APOBEC3D: variants seen among roughly 807,000 people sequenced by gnomAD.
The protein encoded by APOBEC3D is DNA dC->dU-editing enzyme APOBEC-3D.
A neutral mutation model predicts 45.6 loss-of-function variants in APOBEC3D; 37 were observed. The ratio of observed to expected loss-of-function variants is 0.81; its 90% CI spans 0.62 to 1.07. The LOEUF is 1.07. APOBEC3D is among the 50% of genes least tolerant of loss of function. The probability of loss-of-function intolerance (pLI) is 0.00; values close to 1 mark genes in which losing one functional copy is unlikely to be tolerated. For synonymous variants in APOBEC3D, 175 were observed against 180.7 expected (o/e 0.97, Z 0.25); for missense variants, 496 against 495.3 (o/e 1.00, Z -0.01).
intron 4 of APOBEC3D, among the ~76,000 whole-genome samples, chr22:39,026,635 G>T (rs1017429836): frequency 6.6e-6 from 1 of 152,166 alleles, no homozygotes; most frequent in Non-Finnish European, 1.5e-5. Context: ...CCACCTAACA[G>T]CACCTAGCTG....
In APOBEC3D at chr22:39,025,737, C is replaced by T. The variant is rs1057330058; in HGVS notation, c.605+66C>T. ...CCTCCTGCTCATCCTCCTGAGGACTCCCCTGGCTGGGCCCTCCTGCCCTCC... is the reference window on the plus strand; with the variant it reads ...CCTCCTGCTCATCCTCCTGAGGACTTCCCTGGCTGGGCCCTCCTGCCCTCC... On this transcript the variant is annotated intron_variant, in intron 4 of 6. Transcript: ENST00000216099. 4 of 1,607,504 alleles carry T rather than the reference C, an allele frequency of 2.5e-6. No homozygotes were observed. In the East Asian group the frequency reaches 6.7e-5, roughly 27 times the overall value.
At chr22:39,023,701 G>A (rs533557669) in intron 2 of APOBEC3D, among the ~76,000 whole-genome samples, 4 of 152,088 alleles carry the variant, frequency 2.6e-5, no homozygotes, top group East Asian at 1.9e-4. Flanking sequence ...CACCCAACTC[G>A]GCCTCTGAAA....
Position 39,021,551 on chromosome 22 carries a change from T to G in APOBEC3D, c.17+15T>G, listed in dbSNP as rs1925105508. 6.2e-7 allele frequency: 1 copy of G among 1,613,438 alleles called. No individual in the cohort carries two copies. Among genetic ancestry groups the G allele is most frequent in the Non-Finnish European group, 8.5e-7 (1 of 1,179,974 alleles). On this transcript the variant is annotated intron_variant, in intron 1 of 6. Transcript: ENST00000216099. ...CCACAGATCAGGTACCGCTGCCCAC[T>G]ATGTCCGCAGGGCCCCTCCGGCCCC...
At chr22:39,024,094 G>A (rs57064617) in intron 2 of APOBEC3D, among the ~76,000 whole-genome samples, 6,995 of 152,238 alleles carry the variant, frequency 0.046, 554 homozygotes, top group African/African-American at 0.16. Context: ...GACAAGAACC[G>A]GTGAAAGTAA....
chr22:39,021,475 C>A lies in APOBEC3D; in HGVS notation c.-45C>A. On this transcript the variant is annotated 5_prime_UTR_variant, in exon 1 of 7. Coordinates refer to ENST00000216099, the MANE Select transcript of APOBEC3D (RefSeq NM_152426.4). ...AGCAGGAAGTGAAACCACAGCACTT[C>A]AAAAAAAGAGGGAGACTGGGACAAG... 1 of 1,613,778 alleles carries A rather than the reference C, an allele frequency of 6.2e-7. No individual in the cohort carries two copies. The highest frequency in any genetic ancestry group is 1.1e-5 in the South Asian group (1 of 91,072).
chr22:39,027,497 C>T (rs531067803), intron 4 of APOBEC3D, among the ~76,000 whole-genome samples: 236 of 152,286 alleles, frequency 1.5e-3, no homozygotes, highest in African/African-American at 4.9e-3. Flanking sequence ...AAAGTGAGGC[C>T]TGCACTCAGA....
intron 5 of APOBEC3D, among the ~76,000 whole-genome samples, chr22:39,031,390 C>T (rs1354017550): frequency 6.6e-6 from 1 of 152,070 alleles, no homozygotes; most frequent in African/African-American, 2.4e-5. Flanking sequence ...CAATGTGGCA[C>T]GACTCCGTCT....
At position 39,025,306 on chromosome 22, in the gene APOBEC3D, G is replaced by A. The variant is rs776290551; in HGVS notation, c.447G>A (p.Arg149=). 2.2e-5 allele frequency: 36 copies of A among 1,614,118 alleles called. No homozygotes were observed. In the South Asian group the frequency reaches 3.1e-4, roughly 14 times the overall value. The change falls in exon 3 of 7, where the codon AGG becomes AGA. Residue 149 remains arginine, a synonymous_variant. Coordinates refer to ENST00000216099, the MANE Select transcript of APOBEC3D (RefSeq NM_152426.4). ...RDRDWRWVLL[R]LHKAGARVKI... is the part of the protein sequence containing the mutation. ...GAGATTGGCGGTGGGTGCTCCTCAG[G>A]CTGCATAAGGCAGGGGCCCGTGTGA... is the stretch of plus-strand genomic sequence containing the variant.
intron 5 of APOBEC3D, among the ~76,000 whole-genome samples, chr22:39,031,493 C>T (rs1926207311): frequency 1.3e-5 from 2 of 152,176 alleles, no homozygotes; most frequent in African/African-American, 2.4e-5. Flanking sequence ...TTCCTTGAGC[C>T]TGGGAGGTCA....
intron 6 of APOBEC3D, 75 bp downstream of exon 6, chr22:39,032,048 G>T: frequency 6.3e-7 from 1 of 1,597,936 alleles, no homozygotes; most frequent in Non-Finnish European, 8.5e-7. Context: ...CAATGCCGTG[G>T]GGCGGGGCAG....
At chr22:39,022,754 G>A in intron 1 of APOBEC3D, 68 bp from the exon 2 acceptor site, 1 of 1,544,632 alleles carries the variant, frequency 6.5e-7, no homozygotes, top group South Asian at 1.2e-5. Context: ...GCTGTGTTCA[G>A]TGGACATGAG....
chr22:39,029,275 C>G, intron 4 of APOBEC3D, 88 bp from the exon 5 acceptor site: 3 of 1,468,404 alleles, frequency 2.0e-6, no homozygotes. Context: ...GGGAGAGGCC[C>G]AGACTCCAGG....
rs1569053415 is a variant in APOBEC3D, at chr22:39,021,548, C to A, written c.17+12C>A. 1.2e-6 allele frequency: 2 copies of A among 1,613,732 alleles called. No homozygotes were observed. Among genetic ancestry groups the A allele is most frequent in the South Asian group, 2.2e-5 (2 of 91,074 alleles). On this transcript the variant is annotated intron_variant, in intron 1 of 6. Coordinates refer to ENST00000216099, the MANE Select transcript of APOBEC3D (RefSeq NM_152426.4). Reference sequence around the variant, plus strand: ...AATCCACAGATCAGGTACCGCTGCCCACTATGTCCGCAGGGCCCCTCCGGC... The same window carrying A: ...AATCCACAGATCAGGTACCGCTGCCAACTATGTCCGCAGGGCCCCTCCGGC...
intron 1 of APOBEC3D, among the ~76,000 whole-genome samples, chr22:39,022,272 G>T (rs1297421009): frequency 2.0e-5 from 3 of 152,206 alleles, no homozygotes; most frequent in Admixed American, 6.5e-5. Flanking sequence ...CAGCTCTGTG[G>T]CCTGGGCAGG....
At chr22:39,025,911 C>A (rs888813727) in intron 4 of APOBEC3D, among the ~76,000 whole-genome samples, 1 of 152,156 alleles carries the variant, frequency 6.6e-6, no homozygotes, top group African/African-American at 2.4e-5. Context: ...CATCCACCCC[C>A]GAGGCTGCCC....
chr22:39,031,668 C>G, intron 5 of APOBEC3D, 26 bp from the exon 6 acceptor site: 5 of 1,610,592 alleles, frequency 3.1e-6, no homozygotes, highest in Non-Finnish European at 4.2e-6. Context: ...TGAGCTCCCC[C>G]TGCCCTCCTC....
chr22:39,026,989 A>G (rs1194996451), intron 4 of APOBEC3D, among the ~76,000 whole-genome samples: 1 of 152,076 alleles, frequency 6.6e-6, no homozygotes, highest in African/African-American at 2.4e-5. Context: ...ACAAAAGAGT[A>G]GGCTTGGATC....
chr22:39,027,692 G>T (rs548098415), intron 4 of APOBEC3D, among the ~76,000 whole-genome samples: 1 of 152,164 alleles, frequency 6.6e-6, no homozygotes, highest in Non-Finnish European at 1.5e-5. Context: ...GCCCCTTCCT[G>T]CCTGGTGGCC....
At chr22:39,032,049 G>A (rs923361789) in intron 6 of APOBEC3D, 76 bp downstream of exon 6, 10 of 1,598,002 alleles carry the variant, frequency 6.3e-6, no homozygotes, top group Non-Finnish European at 6.8e-6. Context: ...AATGCCGTGG[G>A]GCGGGGCAGT....
Sources: gnomAD v4.1 joint callset for allele counts (sites outside exome capture counted in the v4.1 genomes callset) on GRCh38, gnomAD v4.1.1 for gene constraint, MANE v1.5 for transcripts, NCBI Gene and HGNC (gene_info 2026-07-23, HGNC 2026-07-21) for gene names.